Variants in NPAS3 observed in about 807,000 individuals in gnomAD.
NPAS3 encodes neuronal PAS domain-containing protein 3.
Under a neutral mutation model 73.1 loss-of-function variants are expected in NPAS3, and 14 were observed. The observed-to-expected ratio is 0.19, with a 90% CI of 0.13 to 0.30. The LOEUF is 0.30. Ranked by LOEUF, NPAS3 falls within the 10% of genes least tolerant of loss-of-function variation. The probability of loss-of-function intolerance (pLI) is 1.00; values close to 1 mark genes in which losing one functional copy is unlikely to be tolerated. For missense variants in NPAS3, 1,096 were observed against 1,250.0 expected (o/e 0.88, Z 1.86); for synonymous variants, 620 against 541.5 (o/e 1.14, Z -2.01).
chr14:33,727,840 A>G (rs1319616076), intron 6 of NPAS3, among the ~76,000 whole-genome samples: 2 of 152,190 alleles, frequency 1.3e-5, no homozygotes, highest in East Asian at 3.9e-4. Context: ...TAGATCCCTC[A>G]AGTGGCAACA....
chr14:33,307,489 G>A (rs1412640637), intron 3 of NPAS3, among the ~76,000 whole-genome samples: 4 of 151,990 alleles, frequency 2.6e-5, no homozygotes, highest in Non-Finnish European at 5.9e-5. Context: ...TTCAGGATGA[G>A]CAAATGCATG....
At chr14:33,245,833 A>T (rs958209085) in intron 3 of NPAS3, among the ~76,000 whole-genome samples, 1 of 151,928 alleles carries the variant, frequency 6.6e-6, no homozygotes, top group Non-Finnish European at 1.5e-5. Flanking sequence ...ATGGTGAATT[A>T]AAAAAAATAG....
intron 1 of NPAS3, among the ~76,000 whole-genome samples, chr14:33,049,762 G>C (rs1014740530): frequency 7.9e-5 from 12 of 152,138 alleles, no homozygotes; most frequent in African/African-American, 2.9e-4. Context: ...CCAAAGCTTG[G>C]GCTCCTAAGC....
chr14:33,672,717 T>A (rs2059645796), intron 5 of NPAS3, among the ~76,000 whole-genome samples: 1 of 144,214 alleles, frequency 6.9e-6, no homozygotes, highest in African/African-American at 2.6e-5. Context: ...AAAAAAAAAA[T>A]CAGACAAGGG....
intron 4 of NPAS3, among the ~76,000 whole-genome samples, chr14:33,543,509 T>A (rs2054615181): frequency 6.6e-6 from 1 of 152,112 alleles, no homozygotes. Context: ...TTTCCAGTAT[T>A]TGGGGGGCAT....
chr14:33,653,912 T>A (rs1380893453), intron 5 of NPAS3, among the ~76,000 whole-genome samples: 2 of 152,154 alleles, frequency 1.3e-5, no homozygotes, highest in Admixed American at 6.6e-5. Flanking sequence ...AAAGGTGTGG[T>A]CCCCAAATGA....
At chr14:33,360,024 A>C (rs2045522979) in intron 3 of NPAS3, among the ~76,000 whole-genome samples, 1 of 152,208 alleles carries the variant, frequency 6.6e-6, no homozygotes, top group African/African-American at 2.4e-5. Flanking sequence ...TCAGGCTTGG[A>C]GCCTGGACAG....
At chr14:33,438,282 A>G (rs978891291) in intron 4 of NPAS3, among the ~76,000 whole-genome samples, 22 of 152,174 alleles carry the variant, frequency 1.4e-4, no homozygotes, top group Non-Finnish European at 4.4e-5. Context: ...CCCCATTTTT[A>G]TGTGTTATTG....
chr14:33,512,742 G>C (rs1418225534), intron 4 of NPAS3, among the ~76,000 whole-genome samples: 2 of 151,960 alleles, frequency 1.3e-5, no homozygotes, highest in Non-Finnish European at 2.9e-5. Flanking sequence ...CTGTGGCTTG[G>C]CAAGGAATTT....
chr14:33,422,167 T>G (rs971741772), intron 4 of NPAS3, among the ~76,000 whole-genome samples: 16 of 151,956 alleles, frequency 1.1e-4, no homozygotes, highest in Non-Finnish European at 2.9e-5. Context: ...TGTATGACAT[T>G]TCACACATTG....
chr14:33,380,048 AAG>A (rs1412095787), intron 4 of NPAS3, among the ~76,000 whole-genome samples: 2 of 147,686 alleles, frequency 1.4e-5, no homozygotes, highest in Non-Finnish European at 3.0e-5. Flanking sequence ...GGGGGGGAAA[AAG>A]AAAATGTTGA....
chr14:33,551,517 T>C (rs1363574292), intron 4 of NPAS3, among the ~76,000 whole-genome samples: 3 of 152,186 alleles, frequency 2.0e-5, no homozygotes, highest in Non-Finnish European at 4.4e-5. Context: ...CAGGTAAATA[T>C]GACTATAAAA....
chr14:33,263,985 C>T lies in NPAS3; in HGVS notation c.385+48559C>T, dbSNP rs569891201. Among the ~76,000 whole-genome samples the T allele has an allele frequency of 4.9e-4, 75 of 152,176 alleles. 3 individuals are homozygous for T. The South Asian group carries it at 0.011, about 23-fold the overall frequency. On this transcript the variant is annotated intron_variant, in intron 3 of 11. Transcript: ENST00000356141. Reference sequence around the variant, plus strand: ...GACACATGCACACATATGTTTATTGCGGCACTATTCACAATAGCAAAGACT... The same window carrying T: ...GACACATGCACACATATGTTTATTGTGGCACTATTCACAATAGCAAAGACT...
chr14:33,000,269 C>T (rs1176318301), intron 1 of NPAS3, among the ~76,000 whole-genome samples: 4 of 152,120 alleles, frequency 2.6e-5, no homozygotes, highest in Non-Finnish European at 4.4e-5. Context: ...CTAGTAGAGA[C>T]CTGTTTTAAT....
chr14:33,370,337 G>A (rs2046031692), intron 4 of NPAS3, among the ~76,000 whole-genome samples: 1 of 152,118 alleles, frequency 6.6e-6, no homozygotes. Flanking sequence ...AAGTTTATTA[G>A]GCAAAGAAAA....
At chr14:33,327,966 C>A (rs138947381) in intron 3 of NPAS3, among the ~76,000 whole-genome samples, 2 of 152,112 alleles carry the variant, frequency 1.3e-5, no homozygotes, top group Non-Finnish European at 2.9e-5. Context: ...ATATCTCTAG[C>A]CACATTGTAA....
chr14:33,006,302 G>A (rs1480376166), intron 1 of NPAS3, among the ~76,000 whole-genome samples: 1 of 152,094 alleles, frequency 6.6e-6, no homozygotes, highest in Non-Finnish European at 1.5e-5. Flanking sequence ...GGGAAAGTGG[G>A]GGCTGTTCAT....
intron 1 of NPAS3, among the ~76,000 whole-genome samples, chr14:32,940,928 C>G (rs2035964939): frequency 6.6e-6 from 1 of 152,138 alleles, no homozygotes; most frequent in African/African-American, 2.4e-5. Flanking sequence ...GAGAGTAAAT[C>G]ATACATAATC....
intron 4 of NPAS3, among the ~76,000 whole-genome samples, chr14:33,450,845 A>C (rs1429790420): frequency 6.6e-6 from 1 of 152,238 alleles, no homozygotes; most frequent in African/African-American, 2.4e-5. Flanking sequence ...CATGGTTGCC[A>C]GGCATTACTG....
Sources: allele counts gnomAD v4.1 joint callset (sites outside exome capture counted in the v4.1 genomes callset), GRCh38; gene constraint gnomAD v4.1.1; transcripts MANE v1.5; gene names NCBI Gene and HGNC (gene_info 2026-07-23, HGNC 2026-07-21).